INTS6: variants seen among roughly 807,000 people sequenced by gnomAD.
The protein encoded by INTS6 is DEAD box protein.
A neutral mutation model predicts 104.9 loss-of-function variants in INTS6; 16 were observed. The ratio of observed to expected loss-of-function variants is 0.15; its 90% CI spans 0.10 to 0.23. The LOEUF is 0.23. Ranked by LOEUF, INTS6 falls within the 10% of genes least tolerant of loss-of-function variation. The pLI is 1.00. For synonymous variants in INTS6, 324 were observed against 358.7 expected, an observed-to-expected ratio of 0.90 and a Z score of 1.09; for missense variants, 584 against 1,062.8, an observed-to-expected ratio of 0.55 and a Z score of 6.26.
chr13:51,432,509 C>T (rs7327381), intron 3 of INTS6, among the ~76,000 whole-genome samples: 76,520 of 151,278 alleles, frequency 0.51, 20,218 homozygotes, highest in African/African-American at 0.67. Flanking sequence ...TGTGTTTGAA[C>T]ATGTTGAAGG....
downstream of INTS6, chr13:51,361,219 TA>T: frequency 9.1e-7 from 1 of 1,100,264 alleles, no homozygotes; most frequent in Non-Finnish European, 1.4e-6. Context: ...GAATGTGTTC[TA>T]AATGTGTTAG....
chr13:51,408,885 C>G (rs1385027304), intron 4 of INTS6, among the ~76,000 whole-genome samples: 4 of 152,170 alleles, frequency 2.6e-5, no homozygotes, highest in Non-Finnish European at 4.4e-5. Context: ...TGTATCATCA[C>G]TTTAATATAT....
intron 3 of INTS6, chr13:51,440,217 C>T (rs905434890): frequency 1.3e-5 from 2 of 150,710 alleles, no homozygotes; most frequent in African/African-American, 4.9e-5. Flanking sequence ...AGCCACTGCA[C>T]TCCAGCCTGG....
intron 9 of INTS6, 53 bp from the exon 10 acceptor site, chr13:51,382,176 G>C: frequency 9.1e-7 from 1 of 1,098,804 alleles, no homozygotes; most frequent in Non-Finnish European, 1.3e-6. Flanking sequence ...TTCACACATA[G>C]AAGTCAAGTC....
intron 5 of INTS6, among the ~76,000 whole-genome samples, chr13:51,390,524 C>T (rs11148215): frequency 0.024 from 3,603 of 152,058 alleles, 60 homozygotes; most frequent in South Asian, 0.059. Flanking sequence ...AAAACTCAAT[C>T]TTTGGCCAAA....
At chr13:51,350,093 A>G (rs1255746317), downstream of INTS6, among the ~76,000 whole-genome samples, 3 of 152,152 alleles carry the variant, frequency 2.0e-5, no homozygotes, top group African/African-American at 4.8e-5. Context: ...TTCTTTTAGT[A>G]TGACTTGCTC....
intron 15 of INTS6, 79 bp from the exon 16 acceptor site, chr13:51,369,389 A>G: frequency 2.2e-6 from 3 of 1,382,864 alleles, no homozygotes; most frequent in Non-Finnish European, 2.9e-6. Flanking sequence ...AAAGAACATT[A>G]CTACAGCAAG....
intron 4 of INTS6, 134 bp downstream of exon 4, chr13:51,430,160 C>A: frequency 1.5e-6 from 1 of 683,950 alleles, no homozygotes; most frequent in Non-Finnish European, 2.5e-6. Context: ...CAAAGATGGG[C>A]CATAGGAGAC....
chr13:51,414,485 A>G (rs957384802), intron 4 of INTS6, among the ~76,000 whole-genome samples: 2 of 152,176 alleles, frequency 1.3e-5, no homozygotes, highest in Admixed American at 6.5e-5. Flanking sequence ...AAGGGCAGGA[A>G]AGCACCCATT....
chr13:51,390,964 T>C (rs192744461), intron 5 of INTS6, among the ~76,000 whole-genome samples: 19 of 152,260 alleles, frequency 1.2e-4, no homozygotes, highest in Admixed American at 9.1e-4. Context: ...TCCAAGTTAG[T>C]ATAGTGATAG....
chr13:51,446,574 G>A (rs1952923160), intron 3 of INTS6: 2 of 152,132 alleles, frequency 1.3e-5, no homozygotes, highest in Non-Finnish European at 2.9e-5. Flanking sequence ...AAAAGAACTG[G>A]AAGCAGGATC....
chr13:51,385,129 T>C (rs561300416), intron 7 of INTS6: 16 of 153,238 alleles, frequency 1.0e-4, no homozygotes, highest in African/African-American at 3.8e-4. Flanking sequence ...CAAGTACTTA[T>C]TTTCTCCCTT....
At chr13:51,335,886 T>C in the INTS6 span, 10 of 152,158 alleles carry the variant, frequency 6.6e-5, no homozygotes, top group African/African-American at 2.4e-4. Context: ...AAATTTAAAA[T>C]GCATGCACAT....
At chr13:51,407,927 G>C (rs1468391288) in intron 4 of INTS6, among the ~76,000 whole-genome samples, 2 of 149,830 alleles carry the variant, frequency 1.3e-5, no homozygotes, top group African/African-American at 4.9e-5. Context: ...TGAGGCTGGA[G>C]AATCGCTTGA....
intron 4 of INTS6, among the ~76,000 whole-genome samples, chr13:51,428,531 T>C (rs1339914636): frequency 6.6e-6 from 1 of 152,084 alleles, no homozygotes; most frequent in Non-Finnish European, 1.5e-5. Flanking sequence ...TTCACCATGT[T>C]GGTCAGGCTG....
chr13:51,427,326 C>T (rs942863681), intron 4 of INTS6, among the ~76,000 whole-genome samples: 2 of 152,106 alleles, frequency 1.3e-5, no homozygotes, highest in African/African-American at 4.8e-5. Context: ...TGTGAAAAGA[C>T]AGTGATATAA....
At chr13:51,418,998 T>C (rs1017675393) in intron 4 of INTS6, among the ~76,000 whole-genome samples, 1 of 152,206 alleles carries the variant, frequency 6.6e-6, no homozygotes, top group African/African-American at 2.4e-5. Context: ...TAATCAACTT[T>C]ATGGACATTC....
chr13:51,448,746 T>C (rs1027974289), intron 3 of INTS6: 1 of 152,216 alleles, frequency 6.6e-6, no homozygotes. Context: ...CTATAAAATA[T>C]ATACGTTCTA....
intron 3 of INTS6, chr13:51,436,928 T>C (rs931898317): frequency 6.6e-6 from 1 of 152,112 alleles, no homozygotes; most frequent in East Asian, 1.9e-4. Context: ...ACTTAATAAA[T>C]AGTAATATTC....
Sources: allele counts gnomAD v4.1 joint callset (sites outside exome capture counted in the v4.1 genomes callset), GRCh38; gene constraint gnomAD v4.1.1; transcripts MANE v1.5; gene names NCBI Gene and HGNC (gene_info 2026-07-23, HGNC 2026-07-21).